The following COL10A1 variants were observed in gnomAD, a reference collection of about 807,000 sequenced individuals.
COL10A1 encodes collagen type X alpha 1 chain.
In COL10A1, 10 loss-of-function variants were observed where a neutral mutation model predicts 18.2. That is an observed-to-expected ratio of 0.55 (90% CI 0.34 to 0.93). COL10A1 has a LOEUF of 0.93. Among genes scored for constraint, COL10A1 ranks in the 40% least tolerant of loss-of-function variants. COL10A1 has a pLI of 0.02. For synonymous variants in COL10A1, 330 were observed against 316.6 expected, an observed-to-expected ratio of 1.04 and a Z score of -0.45; for missense variants, 897 against 853.5, an observed-to-expected ratio of 1.05 and a Z score of -0.64.
chr6:116,188,244 A>T, the COL10A1 span, among the ~76,000 whole-genome samples: 2 of 152,008 alleles, frequency 1.3e-5, no homozygotes, highest in Non-Finnish European at 2.9e-5. Flanking sequence ...TGCTGGTGGG[A>T]GTGTAAATTG....
chr6:116,197,457 A>T, the COL10A1 span, among the ~76,000 whole-genome samples: 3 of 152,156 alleles, frequency 2.0e-5, no homozygotes, highest in East Asian at 5.8e-4. Context: ...CCCGGTCAAG[A>T]ATCAACATTC....
At chr6:116,161,367 G>A (rs1416199795), upstream of COL10A1, among the ~76,000 whole-genome samples, 3 of 151,626 alleles carry the variant, frequency 2.0e-5, no homozygotes, top group African/African-American at 4.8e-5. Flanking sequence ...TAATAAAGAT[G>A]CATTGATATA....
Position 116,123,005 on chromosome 6 carries a change from A to G in COL10A1, c.155-1044T>C, listed in dbSNP as rs9488842. On this transcript the variant is annotated intron_variant, in intron 2 of 2. Transcript: ENST00000651968. ...GTGTACATACATGATTATATTATGT[A>G]TAAGTGGATATTGATATATTGCAAA... Among the ~76,000 whole-genome samples, 4 of 152,178 alleles carry G rather than the reference A, an allele frequency of 2.6e-5. No homozygotes were observed. The East Asian group carries it at 5.8e-4, about 22-fold the overall frequency.
rs1779036684 is a variant in COL10A1, at chr6:116,119,364, G to A, written c.*709C>T. The A allele has an allele frequency of 6.6e-6, 1 of 152,362 alleles. No homozygotes were observed. Among genetic ancestry groups the A allele is most frequent in the South Asian group, 2.1e-4 (1 of 4,824 alleles). 9.4% of individuals were successfully genotyped at this position (152,362 alleles called of 1,614,324 possible). ...GATACCTGTTTCCAAGTTATGCTGGGTATATAAAAAGCTTCTCTGCAATCA... is the reference window on the plus strand; with the variant it reads ...GATACCTGTTTCCAAGTTATGCTGGATATATAAAAAGCTTCTCTGCAATCA... On this transcript the variant is annotated 3_prime_UTR_variant, in exon 3 of 3. Coordinates refer to ENST00000651968, the MANE Select transcript of COL10A1 (RefSeq NM_000493.4).
the COL10A1 span, among the ~76,000 whole-genome samples, chr6:116,175,888 A>G: frequency 6.6e-6 from 1 of 152,138 alleles, no homozygotes; most frequent in African/African-American, 2.4e-5. Flanking sequence ...ATTCCAATGT[A>G]TGAATCATCT....
At chr6:116,165,404 C>G in the COL10A1 span, among the ~76,000 whole-genome samples, 1 of 152,184 alleles carries the variant, frequency 6.6e-6, no homozygotes, top group Non-Finnish European at 1.5e-5. Context: ...GGAAATTTTC[C>G]TGAATTCTTT....
the COL10A1 span, among the ~76,000 whole-genome samples, chr6:116,188,280 G>C: frequency 6.6e-6 from 1 of 151,994 alleles, no homozygotes; most frequent in Non-Finnish European, 1.5e-5. Flanking sequence ...AAATTGTTGA[G>C]TATTATCCTA....
the COL10A1 span, among the ~76,000 whole-genome samples, chr6:116,213,158 G>T: frequency 6.6e-6 from 1 of 151,946 alleles, no homozygotes; most frequent in Non-Finnish European, 1.5e-5. Context: ...ATGGATTCTG[G>T]GCTTAGTTGG....
intron 2 of COL10A1, among the ~76,000 whole-genome samples, chr6:116,122,858 C>T (rs1779174773): frequency 6.6e-6 from 1 of 151,930 alleles, no homozygotes; most frequent in African/African-American, 2.4e-5. Flanking sequence ...AATTTGAAAA[C>T]ATTGATTAAT....
chr6:116,203,169 T>A, the COL10A1 span, among the ~76,000 whole-genome samples: 1 of 152,016 alleles, frequency 6.6e-6, no homozygotes, highest in African/African-American at 2.4e-5. Context: ...TACTAAACAG[T>A]TTTACAGTAT....
At chr6:116,178,124 T>C in the COL10A1 span, among the ~76,000 whole-genome samples, 4 of 151,756 alleles carry the variant, frequency 2.6e-5, no homozygotes, top group African/African-American at 9.7e-5. Flanking sequence ...TGTGTGTGTG[T>C]GTGTGTGTGT....
chr6:116,143,950 G>T (rs1475838594), intron 1 of COL10A1, among the ~76,000 whole-genome samples: 1 of 152,156 alleles, frequency 6.6e-6, no homozygotes, highest in Non-Finnish European at 1.5e-5. Flanking sequence ...GAACTGATGT[G>T]AGTAGAATGT....
chr6:116,139,726 G>A (rs1779715985), intron 1 of COL10A1, among the ~76,000 whole-genome samples: 2 of 152,038 alleles, frequency 1.3e-5, no homozygotes, highest in African/African-American at 4.8e-5. Context: ...TCTTGTCATG[G>A]GAGTAAGGAG....
At chr6:116,153,954 T>C (rs780722074) in intron 1 of COL10A1, among the ~76,000 whole-genome samples, 8 of 152,120 alleles carry the variant, frequency 5.3e-5, no homozygotes, top group Non-Finnish European at 8.8e-5. Flanking sequence ...TGTAAAGCTG[T>C]ATGTATTGCA....
chr6:116,166,858 G>C, the COL10A1 span, among the ~76,000 whole-genome samples: 1 of 152,128 alleles, frequency 6.6e-6, no homozygotes, highest in African/African-American at 2.4e-5. Context: ...ATTCTGAAAT[G>C]TCTGGAATCT....
the COL10A1 span, among the ~76,000 whole-genome samples, chr6:116,191,075 C>T: frequency 6.6e-6 from 1 of 151,920 alleles, no homozygotes; most frequent in African/African-American, 2.4e-5. Flanking sequence ...AGCCAACACC[C>T]GAGTCTCTGA....
At chr6:116,135,838 T>C (rs1582825602) in intron 1 of COL10A1, among the ~76,000 whole-genome samples, 1 of 48,756 alleles carries the variant, frequency 2.1e-5, no homozygotes, top group Non-Finnish European at 3.5e-5. Flanking sequence ...TTTTCAGATA[T>C]ATATATATAT....
At chr6:116,165,063 C>T in the COL10A1 span, among the ~76,000 whole-genome samples, 3 of 139,190 alleles carry the variant, frequency 2.2e-5, no homozygotes, top group African/African-American at 8.4e-5. Flanking sequence ...CACCACTGCG[C>T]TTCAGTCTAG....
chr6:116,125,875 A>T (rs2114310838), intron 1 of COL10A1, 178 bp downstream of exon 1: 1 of 206,264 alleles, frequency 4.8e-6, no homozygotes, highest in Non-Finnish European at 9.9e-6. Flanking sequence ...ATATGGTTTT[A>T]TTGGGACTAT....
Sources: gnomAD v4.1 joint callset for allele counts (sites outside exome capture counted in the v4.1 genomes callset) on GRCh38, gnomAD v4.1.1 for gene constraint, MANE v1.5 for transcripts, NCBI Gene and HGNC (gene_info 2026-07-23, HGNC 2026-07-21) for gene names.